Variants in PCDHGA8 observed in about 807,000 individuals in gnomAD.
The protein encoded by PCDHGA8 is protocadherin gamma subfamily A, 8, also known as protocadherin gamma-A8.
Under a neutral mutation model 59.2 loss-of-function variants are expected in PCDHGA8, and 45 were observed. The ratio of observed to expected loss-of-function variants is 0.76; its 90% CI spans 0.60 to 0.98. The LOEUF (loss-of-function observed/expected upper bound fraction) is 0.98, where lower values mean the gene tolerates loss of function less well. PCDHGA8 is among the 50% of genes least tolerant of loss of function. The pLI is 0.00. For synonymous variants in PCDHGA8, 531 were observed against 519.0 expected (o/e 1.02, Z -0.32); for missense variants, 1,257 against 1,196.2 (o/e 1.05, Z -0.75).
chr5:141,434,714 G>A (rs1333237898), intron 1 of PCDHGA8, among the ~76,000 whole-genome samples: 1 of 151,564 alleles, frequency 6.6e-6, no homozygotes, highest in Non-Finnish European at 1.5e-5. Context: ...GTAAATCTCT[G>A]TTCAGGGCTC....
rs564486909 is a variant in PCDHGA8, at chr5:141,428,072, G to A, written c.2424+32835G>A. The A allele has an allele frequency of 1.6e-5, 25 of 1,609,080 alleles. No individual in the cohort carries two copies. The South Asian group carries it at 1.9e-4, about 12-fold the overall frequency. On this transcript the variant is annotated intron_variant, in intron 1 of 3. Coordinates refer to ENST00000398604, the MANE Select transcript of PCDHGA8 (RefSeq NM_032088.2). The stretch of plus-strand genomic sequence containing the variant: ...AGGTGGTGGCGGTGGACGCAGATTC[G>A]GGACACAACGCTTGGCTGTCCTACC...
chr5:141,405,394 CTT>C lies in PCDHGA8; in HGVS notation c.2424+10159_2424+10160del, dbSNP rs1561700295. 3.8e-6 allele frequency: 6 copies of C among 1,593,014 alleles called. No individual in the cohort carries two copies. In the Admixed American group the frequency reaches 7.1e-5, roughly 19 times the overall value. On this transcript the variant is annotated intron_variant, in intron 1 of 3. Transcript: ENST00000398604. ...TGGTTCCGGTGAGTTCATTTTTTTT[CTT>C]TCTTTCTTTTCTTTTTTTGTTTTTT...
chr5:141,410,175 C>T (rs202065305), intron 1 of PCDHGA8: 5 of 1,613,752 alleles, frequency 3.1e-6, no homozygotes, highest in Non-Finnish European at 8.5e-7. Flanking sequence ...TCTGCCACCG[C>T]CACGCTTCAT....
At chr5:141,426,539 T>C in intron 1 of PCDHGA8, 2 of 347,388 alleles carry the variant, frequency 5.8e-6, no homozygotes, top group South Asian at 4.4e-5. Flanking sequence ...GGGAACATAC[T>C]TGTGAGTGAC....
chr5:141,399,559 G>T (rs1589373313), intron 1 of PCDHGA8: 1 of 1,614,038 alleles, frequency 6.2e-7, no homozygotes, highest in African/African-American at 1.3e-5. Context: ...CCTGGACTTG[G>T]GGTTGAACGG....
At chr5:141,484,392 T>G (rs1454201773) in intron 1 of PCDHGA8, among the ~76,000 whole-genome samples, 1 of 152,162 alleles carries the variant, frequency 6.6e-6, no homozygotes, top group African/African-American at 2.4e-5. Flanking sequence ...TAAGAAAGGT[T>G]TGGTTTCCGC....
At position 141,393,776 on chromosome 5, in the gene PCDHGA8, C is replaced by G; in HGVS notation, c.963C>G (p.Ala321=). Reference sequence around the variant, plus strand: ...CATTTTATGAAATGGAAATACAAGCCGAAGATGTGGGGGCACTTCTGGGGA... The same window carrying G: ...CATTTTATGAAATGGAAATACAAGCGGAAGATGTGGGGGCACTTCTGGGGA... ...ECSFYEMEIQ[A]EDVGALLGRT... is the part of the protein sequence containing the mutation. The change falls in exon 1 of 4, where the codon GCC becomes GCG. Residue 321 remains alanine (A), a synonymous_variant. Transcript: ENST00000398604. The G allele has an allele frequency of 6.2e-7, 1 of 1,613,714 alleles. No homozygotes were observed. The highest frequency in any genetic ancestry group is 1.7e-5 in the Admixed American group (1 of 59,994).
chr5:141,419,877 C>G (rs1272137716), intron 1 of PCDHGA8: 24 of 1,614,062 alleles, frequency 1.5e-5, no homozygotes, highest in Non-Finnish European at 1.9e-5. Flanking sequence ...GAGGTACTGC[C>G]GGATTTCAGC....
intron 1 of PCDHGA8, among the ~76,000 whole-genome samples, chr5:141,443,122 A>C (rs1239492679): frequency 6.6e-6 from 1 of 152,138 alleles, no homozygotes; most frequent in East Asian, 1.9e-4. Flanking sequence ...TTCAAACCAG[A>C]TTAAGAACAC....
chr5:141,474,500 C>G (rs183956979), intron 1 of PCDHGA8, among the ~76,000 whole-genome samples: 31 of 152,324 alleles, frequency 2.0e-4, no homozygotes, highest in African/African-American at 6.3e-4. Context: ...CTTCTAATGC[C>G]TATCAGCCCT....
Position 141,418,052 on chromosome 5 carries a change from G to A in PCDHGA8, c.2424+22815G>A, listed in dbSNP as rs202112422. 1.2e-3 allele frequency: 1,918 copies of A among 1,613,866 alleles called. 6 individuals are homozygous for A. Among genetic ancestry groups the A allele is most frequent in the East Asian group, 2.1e-3 (96 of 44,758 alleles). On this transcript the variant is annotated intron_variant, in intron 1 of 3. Coordinates refer to ENST00000398604, the MANE Select transcript of PCDHGA8 (RefSeq NM_032088.2). ...TAGTGTCCTGGATGTGTCGGCTCGC[G>A]AGCTGCGAGTGAGCGCGGAGAAGCT...
At chr5:141,510,589 A>G (rs1043188276) in intron 3 of PCDHGA8, among the ~76,000 whole-genome samples, 2 of 152,194 alleles carry the variant, frequency 1.3e-5, no homozygotes, top group African/African-American at 2.4e-5. Context: ...CGTACCTGAC[A>G]TACATTTTCT....
In PCDHGA8 at chr5:141,490,729, C is replaced by G. The variant is rs1365931429; in HGVS notation, c.2425-4078C>G. ...CCTCACCTACTCCATTGTAGGAAAT[C>G]AGGTTCAGGGAGCCCCAGCCTCCTC... On this transcript the variant is annotated intron_variant, in intron 1 of 3. Coordinates refer to ENST00000398604, the MANE Select transcript of PCDHGA8 (RefSeq NM_032088.2). The surrounding 1 kb of genome is among the most constrained non-coding windows in gnomAD (Gnocchi z 5.4). 1 of 1,614,184 alleles carries G rather than the reference C, an allele frequency of 6.2e-7. No homozygotes were observed.
intron 1 of PCDHGA8, chr5:141,415,740 G>GTTTTTTTTTTTTTTTTTTTTTTTTTTTTT (rs57426385): frequency 8.0e-6 from 5 of 625,030 alleles, no homozygotes; most frequent in African/African-American, 2.5e-5. Flanking sequence ...GTTTATTAAG[G>GTTTTTTTTTTTTTTTTTTTTTTTTTTTTT]TTTTTTTTTT....
At chr5:141,505,650 T>C (rs1595974645) in intron 3 of PCDHGA8, among the ~76,000 whole-genome samples, 169 bp downstream of exon 3, 1 of 152,094 alleles carries the variant, frequency 6.6e-6, no homozygotes, top group East Asian at 1.9e-4. Flanking sequence ...GAATTGTGGC[T>C]AAGGAACAGC....
chr5:141,489,477 G>C lies in PCDHGA8; in HGVS notation c.2425-5330G>C, dbSNP rs2154581232. 1.9e-6 allele frequency: 3 copies of C among 1,614,108 alleles called. No homozygotes were observed. Among genetic ancestry groups the C allele is most frequent in the Non-Finnish European group, 2.5e-6 (3 of 1,180,034 alleles). ...ATGGGCGCTATTTTTCCCTGAGCTT[G>C]ATGAGTGGTGCCCTGGCAGTGAATC... is the stretch of plus-strand genomic sequence containing the variant. On this transcript the variant is annotated intron_variant, in intron 1 of 3. Coordinates refer to ENST00000398604, the MANE Select transcript of PCDHGA8 (RefSeq NM_032088.2). This position sits in a 1 kb window ranked among gnomAD's most constrained non-coding sequence, Gnocchi z 4.5.
chr5:141,489,342 A>G lies in PCDHGA8; in HGVS notation c.2425-5465A>G. 3.7e-6 allele frequency: 6 copies of G among 1,609,084 alleles called. No homozygotes were observed. The Middle Eastern group carries it at 6.6e-4, about 178-fold the overall frequency. On this transcript the variant is annotated intron_variant, in intron 1 of 3. Transcript: ENST00000398604. The surrounding 1 kb of genome is among the most constrained non-coding windows in gnomAD (Gnocchi z 4.5). ...GGGTGTCTGGGCAGCTTCGTTACTCAGTGGTGGAGGAGTCTGAGCCGGGGA... is the reference window on the plus strand; with the variant it reads ...GGGTGTCTGGGCAGCTTCGTTACTCGGTGGTGGAGGAGTCTGAGCCGGGGA...
intron 1 of PCDHGA8, chr5:141,422,667 G>A (rs1283968031): frequency 1.9e-6 from 3 of 1,607,536 alleles, no homozygotes; most frequent in South Asian, 1.1e-5. Context: ...CCCTCGACCC[G>A]GACAGCAAAC....
intron 1 of PCDHGA8, chr5:141,427,090 A>G: frequency 2.2e-6 from 1 of 458,214 alleles, no homozygotes; most frequent in East Asian, 6.9e-5. Context: ...GACCAGGATG[A>G]GGGTGTCAAT....
Sources: gnomAD v4.1 joint callset for allele counts (sites outside exome capture counted in the v4.1 genomes callset) on GRCh38, gnomAD v4.1.1 for gene constraint, Gnocchi (gnomAD v3.1) non-coding constraint, MANE v1.5 for transcripts, NCBI Gene and HGNC (gene_info 2026-07-23, HGNC 2026-07-21) for gene names.